RAD51B: variants seen among roughly 807,000 people sequenced by gnomAD.
RAD51B encodes RAD51 paralog B, also known as DNA repair protein RAD51 homolog 2.
A neutral mutation model predicts 42.2 loss-of-function variants in RAD51B; 38 were observed. The observed-to-expected ratio is 0.90, with a 90% CI of 0.70 to 1.18. RAD51B has a LOEUF of 1.18. Among genes scored for constraint, RAD51B ranks in the 50% most tolerant of loss-of-function variants. The pLI, the probability that RAD51B is intolerant of heterozygous loss-of-function variation, is 0.00. For synonymous variants in RAD51B, 154 were observed against 145.2 expected (o/e 1.06, Z -0.43); for missense variants, 373 against 400.7 (o/e 0.93, Z 0.59).
chr14:68,206,910 C>T (rs904642844), intron 7 of RAD51B, among the ~76,000 whole-genome samples: 1 of 152,052 alleles, frequency 6.6e-6, no homozygotes, highest in Non-Finnish European at 1.5e-5. Flanking sequence ...CTGCCTCAGC[C>T]TCCCAAGTAG....
At chr14:67,942,695 A>G (rs566306275) in intron 7 of RAD51B, among the ~76,000 whole-genome samples, 1 of 152,308 alleles carries the variant, frequency 6.6e-6, no homozygotes, top group South Asian at 2.1e-4. Flanking sequence ...AGCCTGCCAA[A>G]TCTTCCAAAA....
intron 5 of RAD51B, among the ~76,000 whole-genome samples, chr14:67,869,674 C>G (rs576741944): frequency 0.087 from 13,119 of 151,510 alleles, 1,582 homozygotes; most frequent in African/African-American, 0.27. Flanking sequence ...AAATGTTAAG[C>G]GCAGCCAGAG....
intron 7 of RAD51B, among the ~76,000 whole-genome samples, chr14:67,957,539 C>T (rs1276798046): frequency 1.3e-5 from 2 of 152,010 alleles, no homozygotes; most frequent in Non-Finnish European, 2.9e-5. Context: ...AAAAGAAGGA[C>T]CAAAGAAATG....
chr14:68,207,291 C>T (rs1161432577), intron 7 of RAD51B, among the ~76,000 whole-genome samples: 2 of 152,112 alleles, frequency 1.3e-5, no homozygotes, highest in African/African-American at 4.8e-5. Flanking sequence ...TTTTAGAAAT[C>T]ATGAATTGAT....
chr14:68,262,876 G>A (rs953078804), intron 7 of RAD51B, among the ~76,000 whole-genome samples: 2 of 152,028 alleles, frequency 1.3e-5, no homozygotes, highest in African/African-American at 4.8e-5. Context: ...ACTTCTCTAC[G>A]ACTATCCATC....
At chr14:68,003,796 A>G (rs1361761151) in intron 7 of RAD51B, among the ~76,000 whole-genome samples, 1 of 152,090 alleles carries the variant, frequency 6.6e-6, no homozygotes, top group Non-Finnish European at 1.5e-5. Context: ...TTCTAGTTCT[A>G]TTTATGTGAT....
At chr14:68,633,204 C>T (rs1044717340) in intron 10 of RAD51B, among the ~76,000 whole-genome samples, 4 of 151,876 alleles carry the variant, frequency 2.6e-5, no homozygotes, top group Admixed American at 6.6e-5. Flanking sequence ...TCCACAGACT[C>T]TCCAGGTCCT....
intron 7 of RAD51B, among the ~76,000 whole-genome samples, chr14:68,274,758 C>A (rs1169766182): frequency 1.3e-5 from 2 of 151,986 alleles, no homozygotes; most frequent in African/African-American, 2.4e-5. Context: ...TATCAAATGC[C>A]CTATATTCTA....
chr14:67,990,849 C>T (rs1230330183), intron 7 of RAD51B, among the ~76,000 whole-genome samples: 1 of 152,128 alleles, frequency 6.6e-6, no homozygotes, highest in Non-Finnish European at 1.5e-5. Flanking sequence ...GATCCTACAG[C>T]TACATATCAA....
At chr14:68,385,484 T>C (rs1311473805) in intron 8 of RAD51B, among the ~76,000 whole-genome samples, 1 of 152,184 alleles carries the variant, frequency 6.6e-6, no homozygotes, top group Admixed American at 6.5e-5. Flanking sequence ...TCTGTGCCTC[T>C]CAGAAGAAGA....
chr14:68,265,142 C>G (rs967855728), intron 7 of RAD51B, among the ~76,000 whole-genome samples: 1 of 152,154 alleles, frequency 6.6e-6, no homozygotes, highest in Admixed American at 6.5e-5. Context: ...AGTGAATAGA[C>G]CCTTATCAAC....
chr14:68,466,293 T>C (rs1398124420), intron 9 of RAD51B, among the ~76,000 whole-genome samples: 1 of 152,240 alleles, frequency 6.6e-6, no homozygotes, highest in Non-Finnish European at 1.5e-5. Context: ...TGAACTTATT[T>C]TGTGTTTGAC....
At chr14:68,133,398 G>A (rs2077940036) in intron 7 of RAD51B, among the ~76,000 whole-genome samples, 1 of 152,206 alleles carries the variant, frequency 6.6e-6, no homozygotes. Flanking sequence ...GAGAAGTCAT[G>A]TATGCTTTTT....
intron 10 of RAD51B, among the ~76,000 whole-genome samples, chr14:68,571,425 T>G (rs1035409839): frequency 6.6e-6 from 1 of 152,182 alleles, no homozygotes. Flanking sequence ...GTTGTCTTGT[T>G]TTTTCCAGCT....
intron 7 of RAD51B, among the ~76,000 whole-genome samples, chr14:67,906,804 T>C (rs2043794385): frequency 6.6e-6 from 1 of 151,870 alleles, no homozygotes; most frequent in South Asian, 2.1e-4. Context: ...CCTTCCTTCC[T>C]TCTTTCTTTC....
chr14:68,621,988 G>A (rs1891960265), intron 10 of RAD51B, among the ~76,000 whole-genome samples: 1 of 152,188 alleles, frequency 6.6e-6, no homozygotes, highest in Non-Finnish European at 1.5e-5. Flanking sequence ...CAGGCCCACA[G>A]AGGGTTCCTC....
chr14:68,164,538 G>C (rs963994537), intron 7 of RAD51B, among the ~76,000 whole-genome samples: 4 of 152,166 alleles, frequency 2.6e-5, no homozygotes, highest in Non-Finnish European at 5.9e-5. Context: ...AAAGCTCCGC[G>C]GGCTTTCTGG....
intron 7 of RAD51B, among the ~76,000 whole-genome samples, chr14:68,071,724 CT>C (rs1437474718): frequency 5.9e-5 from 9 of 151,788 alleles, no homozygotes; most frequent in Non-Finnish European, 1.3e-4. Flanking sequence ...CTGAAGATTT[CT>C]TTTTTCATTT....
intron 8 of RAD51B, among the ~76,000 whole-genome samples, chr14:68,344,776 T>C (rs542734169): frequency 1.1e-4 from 16 of 150,658 alleles, no homozygotes; most frequent in South Asian, 4.2e-4. Flanking sequence ...TGAAACCCAG[T>C]CTCTACTAAA....
Sources: allele counts gnomAD v4.1 joint callset (sites outside exome capture counted in the v4.1 genomes callset), GRCh38; gene constraint gnomAD v4.1.1; transcripts MANE v1.5; gene names NCBI Gene and HGNC (gene_info 2026-07-23, HGNC 2026-07-21).